The following CHMP3 variants were observed in gnomAD, a reference collection of about 807,000 sequenced individuals.
The protein encoded by CHMP3 is charged multivesicular body protein 3, also known as 25.1 protein.
CHMP3 carries 8 observed loss-of-function variants against 27.4 expected under a neutral mutation model. The ratio of observed to expected loss-of-function variants is 0.29; its 90% CI spans 0.17 to 0.53. The LOEUF (loss-of-function observed/expected upper bound fraction) is 0.53. Among genes scored for constraint, CHMP3 ranks in the 20% least tolerant of loss-of-function variants. The pLI is 0.96. For missense variants in CHMP3, 208 were observed against 271.5 expected (o/e 0.77, Z 1.64); for synonymous variants, 86 against 85.5 (o/e 1.01, Z -0.03).
intron 1 of CHMP3, among the ~76,000 whole-genome samples, chr2:86,557,391 A>G (rs1279928667): frequency 6.6e-6 from 1 of 152,124 alleles, no homozygotes; most frequent in Non-Finnish European, 1.5e-5. Context: ...CACATCATCT[A>G]TCACCTGGGC....
intron 2 of CHMP3, among the ~76,000 whole-genome samples, chr2:86,530,682 G>C (rs1241234353): frequency 1.3e-5 from 2 of 152,176 alleles, no homozygotes; most frequent in Non-Finnish European, 2.9e-5. Flanking sequence ...TTGTGTATAT[G>C]CCTAAAAGTA....
Position 86,542,316 on chromosome 2 carries a change from G to A in CHMP3, c.46-4C>T. ...TCTTCAATGACCACTCATTGACCTGGGAAAATTTTTAGAAAAGGAATGAGG... is the reference window on the plus strand; with the variant it reads ...TCTTCAATGACCACTCATTGACCTGAGAAAATTTTTAGAAAAGGAATGAGG... On this transcript the variant is annotated splice_region_variant and splice_polypyrimidine_tract_variant and intron_variant, in intron 1 of 5. Coordinates refer to ENST00000263856, the MANE Select transcript of CHMP3 (RefSeq NM_016079.4). 1 of 1,612,604 alleles carries A rather than the reference G, an allele frequency of 6.2e-7. No individual in the cohort carries two copies. The highest frequency in any genetic ancestry group is 8.5e-7 in the Non-Finnish European group (1 of 1,179,250).
intron 5 of CHMP3, 98 bp downstream of exon 5, chr2:86,507,381 G>A: frequency 1.1e-6 from 1 of 950,916 alleles, no homozygotes; most frequent in Non-Finnish European, 1.7e-6. Flanking sequence ...AATGTAGAAG[G>A]GAGTTAATGC....
chr2:86,525,072 G>C (rs7584186), intron 3 of CHMP3, among the ~76,000 whole-genome samples: 367 of 152,174 alleles, frequency 2.4e-3, no homozygotes, highest in African/African-American at 8.4e-3. Context: ...ACATCTTTCT[G>C]TAGCTGAATA....
chr2:86,561,008 C>T (rs1677336514), intron 1 of CHMP3, among the ~76,000 whole-genome samples: 1 of 152,192 alleles, frequency 6.6e-6, no homozygotes, highest in Non-Finnish European at 1.5e-5. Flanking sequence ...GTCCCACCTC[C>T]AACACTGGGG....
chr2:86,553,008 G>A lies in CHMP3; in HGVS notation c.45+10296C>T, dbSNP rs112916312. ...CAACACACACTGGAGCCTGTCAGCC[G>A]GGGGTGGAGATCGGGTGGGGGCAGC... On this transcript the variant is annotated intron_variant, in intron 1 of 5. Transcript: ENST00000263856. Among the ~76,000 whole-genome samples the A allele has an allele frequency of 3.6e-3, 549 of 151,674 alleles. 2 individuals carry two copies. The highest frequency in any genetic ancestry group is 5.7e-3 in the Non-Finnish European group (390 of 67,902).
intron 1 of CHMP3, among the ~76,000 whole-genome samples, chr2:86,558,539 A>T (rs1428422560): frequency 1.3e-5 from 2 of 152,162 alleles, no homozygotes; most frequent in Non-Finnish European, 2.9e-5. Flanking sequence ...AGCTCTGGAG[A>T]TACCACCCAT....
chr2:86,541,531 C>G (rs1458764053), intron 2 of CHMP3, among the ~76,000 whole-genome samples: 1 of 152,042 alleles, frequency 6.6e-6, no homozygotes, highest in African/African-American at 2.4e-5. Context: ...GAAAGTATCT[C>G]CAAGCAGAAT....
In CHMP3 at chr2:86,510,295, C is replaced by G. The variant is rs542296646; in HGVS notation, c.408+63G>C. ...CCCCACCCACCCTCATCCCTAGCCC[C>G]CTGTTACTTGTTTAGAGTGACTCTG... On this transcript the variant is annotated intron_variant, in intron 4 of 5. Transcript: ENST00000263856. The G allele has an allele frequency of 9.2e-5, 142 of 1,547,648 alleles. 1 individual carries two copies. In the South Asian group the frequency reaches 1.2e-3, roughly 13 times the overall value.
rs564781652 is a variant in CHMP3 at position 86,507,355 on chromosome 2, A to C, written c.523+124T>G. ...TTACTTTTCAAGAAATAAGCTGCAC[A>C]GTGTAAAACGTTAAAAATGTAGAAG... On this transcript the variant is annotated intron_variant, in intron 5 of 5. Coordinates refer to ENST00000263856, the MANE Select transcript of CHMP3 (RefSeq NM_016079.4). 3.9e-5 allele frequency: 29 copies of C among 740,650 alleles called. No individual in the cohort carries two copies. The African/African-American group carries it at 4.0e-4, about 10-fold the overall frequency. The allele number at this position is 740,650 out of a possible 1,614,324, so 45.9% of individuals were successfully genotyped here.
rs1674804501 is a variant in CHMP3 at position 86,504,310 on chromosome 2, G to A, written c.*1494C>T. 1 of 152,154 alleles carries A rather than the reference G, an allele frequency of 6.6e-6. No individual in the cohort carries two copies. The highest frequency in any genetic ancestry group is 1.5e-5 in the Non-Finnish European group (1 of 68,036). The allele number at this position is 152,154 out of a possible 1,614,324, so 9.4% of individuals were successfully genotyped here. ...ATTGTAACAAATGTACCACTCTGGT[G>A]TGGGATACTGATAGTGGTGGGAGGC... On this transcript the variant is annotated 3_prime_UTR_variant, in exon 6 of 6. Transcript: ENST00000263856.
intron 1 of CHMP3, among the ~76,000 whole-genome samples, chr2:86,554,638 G>A (rs1314136316): frequency 4.6e-5 from 7 of 152,074 alleles, no homozygotes; most frequent in African/African-American, 1.7e-4. Context: ...AAACCAATTT[G>A]GCAGTATTTT....
chr2:86,561,789 T>C (rs1677380866), intron 1 of CHMP3: 1 of 152,174 alleles, frequency 6.6e-6, no homozygotes, highest in South Asian at 2.1e-4. Context: ...ACAATCTAAG[T>C]GTACAATATA....
chr2:86,535,925 A>C (rs1676111962), intron 2 of CHMP3, among the ~76,000 whole-genome samples: 1 of 152,120 alleles, frequency 6.6e-6, no homozygotes, highest in Non-Finnish European at 1.5e-5. Flanking sequence ...CCAAAAACAG[A>C]CTACCTTTTA....
At chr2:86,537,660 A>G (rs1029014434) in intron 2 of CHMP3, among the ~76,000 whole-genome samples, 1 of 152,154 alleles carries the variant, frequency 6.6e-6, no homozygotes, top group Non-Finnish European at 1.5e-5. Flanking sequence ...TGCTTTTTTA[A>G]AATTGGCATA....
chr2:86,506,290 C>T (rs549860968), intron 5 of CHMP3, among the ~76,000 whole-genome samples: 1 of 152,240 alleles, frequency 6.6e-6, no homozygotes, highest in South Asian at 2.1e-4. Context: ...CTTCCTTTCC[C>T]CAACAACTTA....
chr2:86,545,599 G>A (rs1232394819), intron 1 of CHMP3, among the ~76,000 whole-genome samples: 2 of 127,316 alleles, frequency 1.6e-5, no homozygotes, highest in Admixed American at 8.1e-5. Flanking sequence ...CCGGGCAGAG[G>A]CGCTCCTCAC....
At chr2:86,555,321 G>T (rs139205342) in intron 1 of CHMP3, among the ~76,000 whole-genome samples, 1 of 152,040 alleles carries the variant, frequency 6.6e-6, no homozygotes, top group Admixed American at 6.6e-5. Context: ...TCTGTGTGCT[G>T]ACGTAAGAAA....
At chr2:86,513,782 C>G (rs2104747222) in intron 3 of CHMP3, among the ~76,000 whole-genome samples, 1 of 152,328 alleles carries the variant, frequency 6.6e-6, no homozygotes, top group Admixed American at 6.5e-5. Context: ...GACTCCACTG[C>G]AGCAACACCT....
Sources: allele counts gnomAD v4.1 joint callset (sites outside exome capture counted in the v4.1 genomes callset), GRCh38; gene constraint gnomAD v4.1.1; transcripts MANE v1.5; gene names NCBI Gene and HGNC (gene_info 2026-07-23, HGNC 2026-07-21).